The following PGBD1 variants were observed in gnomAD, a reference collection of about 807,000 sequenced individuals.
The protein encoded by PGBD1 is piggyBac transposable element-derived protein 1.
PGBD1 carries 25 observed loss-of-function variants against 34.7 expected under a neutral mutation model. That is an observed-to-expected ratio of 0.72 (90% confidence interval 0.52 to 1.00). The LOEUF (loss-of-function observed/expected upper bound fraction) is 1.00. PGBD1 is among the 50% of genes least tolerant of loss of function. The pLI is 0.00. For synonymous variants in PGBD1, 292 were observed against 335.7 expected (o/e 0.87, Z 1.42); for missense variants, 830 against 959.4 (o/e 0.87, Z 1.78).
At chr6:28,294,767 CT>C (rs1164283982) in intron 4 of PGBD1, among the ~76,000 whole-genome samples, 4 of 152,172 alleles carry the variant, frequency 2.6e-5, no homozygotes. Flanking sequence ...AATATTACTG[CT>C]TATTCACAGA....
intron 1 of PGBD1, among the ~76,000 whole-genome samples, 153 bp downstream of exon 1, chr6:28,282,071 C>T (rs1218213630): frequency 6.6e-6 from 1 of 152,152 alleles, no homozygotes; most frequent in African/African-American, 2.4e-5. Flanking sequence ...GTGTGGCTTA[C>T]TTTTCCTGTC....
rs1762859753 is a variant in PGBD1, at chr6:28,301,955, G to T, written c.2101G>T (p.Ala701Ser). 3 of 1,614,078 alleles carry T rather than the reference G, an allele frequency of 1.9e-6. No homozygotes were observed. The highest frequency in any genetic ancestry group is 1.7e-5 in the Admixed American group (1 of 60,010). Residue 701 changes from alanine (A) to serine (S), a missense_variant, in exon 7 of 7, where the codon GCT becomes TCT. This residue lies in a region of PGBD1 where 372 missense variants were observed against 427.9 expected (regional missense o/e 0.87). Coordinates refer to ENST00000682144, the MANE Select transcript of PGBD1 (RefSeq NM_032507.4). ...GDGIISLCSN[A>S]VGIEPVNEVS... The stretch of plus-strand genomic sequence containing the variant: ...TGGCATTATCAGTCTGTGCTCCAAT[G>T]CTGTGGGCATAGAACCAGTCAATGA...
chr6:28,283,163 TC>T (rs879824404), intron 1 of PGBD1, among the ~76,000 whole-genome samples: 13 of 152,214 alleles, frequency 8.5e-5, no homozygotes, highest in African/African-American at 3.1e-4. Flanking sequence ...AGCTTGGGCT[TC>T]CTTACAGCAT....
intron 5 of PGBD1, 58 bp from the exon 6 acceptor site, chr6:28,297,837 T>TAAAAATAAAAAAAAAAAA: frequency 7.1e-6 from 2 of 280,644 alleles, no homozygotes; most frequent in Non-Finnish European, 6.5e-6. Flanking sequence ...TTTTTTTTTT[T>TAAAAATAAAAAAAAAAAA]TTTTTTTTCA....
intron 2 of PGBD1, among the ~76,000 whole-genome samples, chr6:28,285,257 A>G (rs1418115062): frequency 1.3e-5 from 2 of 152,188 alleles, no homozygotes; most frequent in Non-Finnish European, 2.9e-5. Context: ...TGATGAGGTT[A>G]TGGTGGTACC....
chr6:28,291,241 A>G (rs1762442568), intron 4 of PGBD1, among the ~76,000 whole-genome samples: 1 of 151,844 alleles, frequency 6.6e-6, no homozygotes, highest in African/African-American at 2.4e-5. Flanking sequence ...ACCCAAATGA[A>G]TAAAATCAGA....
chr6:28,283,555 C>T (rs1185023470), intron 1 of PGBD1, among the ~76,000 whole-genome samples: 1 of 152,226 alleles, frequency 6.6e-6, no homozygotes, highest in Non-Finnish European at 1.5e-5. Flanking sequence ...CTTCTTCCCT[C>T]ATGTCCTACA....
In PGBD1 at chr6:28,302,135, A is replaced by G. The variant is rs1372984612; in HGVS notation, c.2281A>G (p.Ile761Val). The part of the protein sequence containing the change: ...VRIRSKKWYS[I>V]LVSYMIDVAM... ...GATAAGAAGCAAGAAATGGTACTCA[A>G]TTTTGGTGAGCTACATGATTGATGT... Residue 761 changes from isoleucine to valine, a missense_variant, in exon 7 of 7, where the codon ATT becomes GTT. Coordinates refer to ENST00000682144, the MANE Select transcript of PGBD1 (RefSeq NM_032507.4). The G allele has an allele frequency of 1.9e-6, 3 of 1,614,182 alleles. No individual in the cohort carries two copies. The highest frequency in any genetic ancestry group is 2.2e-5 in the South Asian group (2 of 91,086).
At position 28,302,127 on chromosome 6, in the gene PGBD1, G is replaced by C; in HGVS notation, c.2273G>C (p.Trp758Ser). Residue 758 changes from tryptophan to serine, a missense_variant, in exon 7 of 7, where the codon TGG becomes TCG. By Grantham distance (177) the Trp-to-Ser change is radical. This residue lies in a region of PGBD1 where 372 missense variants were observed against 427.9 expected (regional missense o/e 0.87). Coordinates refer to ENST00000682144, the MANE Select transcript of PGBD1 (RefSeq NM_032507.4). ...KYRVRIRSKK[W>S]YSILVSYMID... ...AGGGTGAGGATAAGAAGCAAGAAAT[G>C]GTACTCAATTTTGGTGAGCTACATG... is the stretch of plus-strand genomic sequence containing the variant. 1 of 1,614,106 alleles carries C rather than the reference G, an allele frequency of 6.2e-7. No homozygotes were observed. Among genetic ancestry groups the C allele is most frequent in the East Asian group, 2.2e-5 (1 of 44,868 alleles).
chr6:28,298,034 A>G (rs376286695), intron 6 of PGBD1, 43 bp downstream of exon 6: 21 of 1,345,504 alleles, frequency 1.6e-5, no homozygotes, highest in East Asian at 2.3e-5. Flanking sequence ...CTGCAGATAT[A>G]AGAAATTGGA....
rs1425632174 is a variant in PGBD1, at chr6:28,301,864, G to C, written c.2010G>C (p.Lys670Asn). 1 of 1,614,034 alleles carries C rather than the reference G, an allele frequency of 6.2e-7. No individual in the cohort carries two copies. The part of the protein sequence containing the change: ...LMNVEHMKKM[K>N]RGYFDFRIEE... ...ATGTAGAACATATGAAAAAAATGAA[G>C]AGAGGGTATTTTGATTTCCGAATAG... The change falls in exon 7 of 7, where the codon AAG (lysine) becomes AAC (asparagine). Residue 670 changes from lysine to asparagine, a missense_variant. By Grantham distance (94) the Lys-to-Asn change is moderately conservative. Coordinates refer to ENST00000682144, the MANE Select transcript of PGBD1 (RefSeq NM_032507.4).
intron 1 of PGBD1, 25 bp downstream of exon 1, chr6:28,281,943 A>G (rs1364835778): frequency 6.6e-6 from 1 of 152,308 alleles, no homozygotes; most frequent in Non-Finnish European, 1.5e-5. Context: ...TGTAGAGTCT[A>G]TGCAGAGATA....
chr6:28,297,777 T>A, intron 5 of PGBD1, 118 bp from the exon 6 acceptor site: 1 of 630,594 alleles, frequency 1.6e-6, no homozygotes, highest in Non-Finnish European at 2.7e-6. Context: ...TATGATTTGT[T>A]TTTTGTTTGA....
In PGBD1 at chr6:28,281,627, C is replaced by A. The variant is rs974423115; in HGVS notation, c.-330C>A. 1 of 377,134 alleles carries A rather than the reference C, an allele frequency of 2.7e-6. No individual in the cohort carries two copies. The highest frequency in any genetic ancestry group is 4.7e-6 in the Non-Finnish European group (1 of 213,094). The allele number at this position is 377,134 out of a possible 1,614,324, so 23.4% of individuals were successfully genotyped here. On this transcript the variant is annotated 5_prime_UTR_variant, in exon 1 of 7. Transcript: ENST00000682144. ...GCGCCCGCCAGACCCGCCAGCCCAG[C>A]GGCCCGGGCTCTGGGGAAACCGGCG...
At chr6:28,284,252 G>A (rs752712260) in intron 2 of PGBD1, 43 bp downstream of exon 2, 1 of 1,447,088 alleles carries the variant, frequency 6.9e-7, no homozygotes, top group Non-Finnish European at 9.1e-7. Context: ...AAGAAAAGGG[G>A]GACATGTATC....
intron 4 of PGBD1, among the ~76,000 whole-genome samples, chr6:28,291,534 TCC>T (rs1762450924): frequency 7.3e-6 from 1 of 136,672 alleles, no homozygotes; most frequent in South Asian, 2.3e-4. Flanking sequence ...CTAATACCAA[TCC>T]TATTCAAATT....
At chr6:28,283,385 TAC>T (rs1762184868) in intron 1 of PGBD1, among the ~76,000 whole-genome samples, 1 of 152,258 alleles carries the variant, frequency 6.6e-6, no homozygotes, top group Admixed American at 6.5e-5. Flanking sequence ...CTGTTACACC[TAC>T]ATTTAAAGTG....
chr6:28,296,468 T>G (rs1180121104), intron 4 of PGBD1, among the ~76,000 whole-genome samples: 1 of 152,224 alleles, frequency 6.6e-6, no homozygotes, highest in East Asian at 1.9e-4. Context: ...TATCATCCTA[T>G]AAAAACTCTT....
In PGBD1 at chr6:28,287,104, A is replaced by G. The variant is rs148512859; in HGVS notation, c.578A>G (p.His193Arg). 6.3e-4 allele frequency: 1,015 copies of G among 1,614,056 alleles called. 3 individuals are homozygous for G. In the Middle Eastern group the frequency reaches 0.011, roughly 17 times the overall value. The change falls in exon 4 of 7, where the codon CAT (histidine) becomes CGT (arginine). Residue 193 changes from histidine (H) to arginine (R), a missense_variant. His to Arg is a conservative substitution (Grantham distance 29). This residue lies in a region of PGBD1 where 457 missense variants were observed against 515.4 expected (regional missense o/e 0.89). Coordinates refer to ENST00000682144, the MANE Select transcript of PGBD1 (RefSeq NM_032507.4). ...VSGPVPHGSA[H>R]LQEKNPRDKA... ...GGGCCTGTTCCCCACGGATCAGCTC[A>G]TCTCCAGGAAAAAAACCCCAGAGAC...
Sources: gnomAD v4.1 joint callset for allele counts (sites outside exome capture counted in the v4.1 genomes callset) on GRCh38, gnomAD v4.1.1 for gene constraint, gnomAD v4.1.1 regional missense constraint, MANE v1.5 for transcripts, NCBI Gene and HGNC (gene_info 2026-07-23, HGNC 2026-07-21) for gene names.